RGS22: variants seen among roughly 807,000 people sequenced by gnomAD.
RGS22 encodes the protein regulator of G protein signaling 22.
In RGS22, 148 loss-of-function variants were observed where a neutral mutation model predicts 172.9. The ratio of observed to expected loss-of-function variants is 0.86; its 90% CI spans 0.75 to 0.98. The LOEUF (loss-of-function observed/expected upper bound fraction) is 0.98, where lower values mean the gene tolerates loss of function less well. Among genes scored for constraint, RGS22 ranks in the 50% least tolerant of loss-of-function variants. The probability of loss-of-function intolerance (pLI) is 0.00; values close to 1 mark genes in which losing one functional copy is unlikely to be tolerated. For missense variants in RGS22, 1,347 were observed against 1,440.8 expected, an observed-to-expected ratio of 0.93 and a Z score of 1.05; for synonymous variants, 458 against 480.2, an observed-to-expected ratio of 0.95 and a Z score of 0.60.
At chr8:100,038,796 C>A (rs930965) in intron 14 of RGS22, 135 bp downstream of exon 14, 261,082 of 448,896 alleles carry the variant, frequency 0.58, 76,406 homozygotes, top group Admixed American at 0.65. Context: ...ATTTCAAATA[C>A]AGTAATCCCA....
chr8:100,005,914 C>G (rs1815641838), intron 16 of RGS22, 103 bp downstream of exon 16: 2 of 712,350 alleles, frequency 2.8e-6, no homozygotes, highest in Admixed American at 2.7e-5. Flanking sequence ...ATGAAACTGC[C>G]TATATGATCT....
chr8:100,067,621 A>C (rs113324381), intron 6 of RGS22, among the ~76,000 whole-genome samples: 2 of 124,480 alleles, frequency 1.6e-5, no homozygotes, highest in East Asian at 4.5e-4. Context: ...CACTTTATAC[A>C]TTTTTTTTTT....
At chr8:100,001,202 T>TATATATATATATATATACA (rs1554611096) in intron 18 of RGS22, among the ~76,000 whole-genome samples, 30 of 124,772 alleles carry the variant, frequency 2.4e-4, no homozygotes, top group African/African-American at 5.5e-4. Context: ...TCCCAATTTT[T>TATATATATATATATATACA]TATATATATA....
At chr8:100,082,195 G>T (rs529105373) in intron 3 of RGS22, among the ~76,000 whole-genome samples, 1 of 152,118 alleles carries the variant, frequency 6.6e-6, no homozygotes, top group Non-Finnish European at 1.5e-5. Context: ...CATGTGATAG[G>T]TGTGTGATGG....
At position 100,051,731 on chromosome 8, in the gene RGS22, GTA is replaced by G. The variant is rs1387771007; in HGVS notation, c.1689+1069_1689+1070del. ...TATATAAATATATATTTATATATAC[GTA>G]TATATAAATATATATTTATATATTT... On this transcript the variant is annotated intron_variant, in intron 10 of 27. Transcript: ENST00000360863. Among the ~76,000 whole-genome samples the G allele has an allele frequency of 2.1e-4, 11 of 51,318 alleles. 2 individuals carry two copies. The highest frequency in any genetic ancestry group is 1.5e-3 in the African/African-American group (11 of 7,474). 33.7% of individuals were successfully genotyped at this position (51,318 alleles called of 152,430 possible).
chr8:100,004,145 T>C, intron 16 of RGS22, 47 bp from the exon 17 acceptor site: 1 of 1,497,466 alleles, frequency 6.7e-7, no homozygotes, highest in Non-Finnish European at 8.9e-7. Flanking sequence ...ACACAACAGA[T>C]TGTTTACAAT....
At chr8:100,032,520 G>A (rs943730894) in intron 14 of RGS22, among the ~76,000 whole-genome samples, 1 of 152,032 alleles carries the variant, frequency 6.6e-6, no homozygotes, top group Non-Finnish European at 1.5e-5. Flanking sequence ...CATAAAGCAA[G>A]TCCTTAGAGA....
intron 9 of RGS22, among the ~76,000 whole-genome samples, chr8:100,055,691 A>G (rs1185901230): frequency 1.3e-5 from 2 of 152,182 alleles, no homozygotes; most frequent in Admixed American, 6.5e-5. Flanking sequence ...CCTGGTAGTG[A>G]ATAAGTCTTA....
chr8:100,099,963 T>C (rs1364012214), intron 2 of RGS22, among the ~76,000 whole-genome samples: 3 of 152,210 alleles, frequency 2.0e-5, no homozygotes, highest in African/African-American at 7.2e-5. Context: ...TTATGTGTAA[T>C]TTAACATATT....
Position 100,040,060 on chromosome 8 carries a change from A to G in RGS22, c.1966T>C (p.Leu656=), listed in dbSNP as rs1391408680. ...AAATTTTCCATGTCAGATCCTCCCA[A>G]GGCACCAACATCTGACACGGTTTTA... ...RVKTVSDVGA[L]GGSDMENLLQ... Residue 656 remains leucine, a synonymous_variant, in exon 13 of 28, where the codon TTG becomes CTG. Transcript: ENST00000360863. The G allele has an allele frequency of 6.2e-7, 1 of 1,610,156 alleles. No individual in the cohort carries two copies. The highest frequency in any genetic ancestry group is 1.1e-5 in the South Asian group (1 of 90,246).
At chr8:100,031,397 T>C (rs1395545496) in intron 14 of RGS22, among the ~76,000 whole-genome samples, 1 of 152,166 alleles carries the variant, frequency 6.6e-6, no homozygotes, top group Non-Finnish European at 1.5e-5. Flanking sequence ...AATTTCTTTA[T>C]ATTAAATAGC....
chr8:100,088,006 C>G (rs1033219372), intron 3 of RGS22, among the ~76,000 whole-genome samples: 5 of 152,068 alleles, frequency 3.3e-5, no homozygotes, highest in Admixed American at 2.0e-4. Flanking sequence ...TTATCAACAC[C>G]TGTAAAAATC....
In RGS22 at chr8:100,008,521, G is replaced by A. The variant is rs1053687914; in HGVS notation, c.2215C>T (p.Leu739Phe). 6 of 1,612,416 alleles carry A rather than the reference G, an allele frequency of 3.7e-6. No homozygotes were observed. The highest frequency in any genetic ancestry group is 3.4e-5 in the Admixed American group (2 of 59,642). ...ATTTCTTTTTTCTTTTCCTGTTGGA[G>A]TCCAATGTCAAGAGTGGCAGAAGGA... Reference protein sequence around the residue: ...VAPSATLDIGLQQEKKKEIYM... With the variant: ...VAPSATLDIGFQQEKKKEIYM... Residue 739 changes from leucine (L) to phenylalanine (F), a missense_variant, in exon 15 of 28, where the codon CTC becomes TTC. Transcript: ENST00000360863.
intron 21 of RGS22, among the ~76,000 whole-genome samples, chr8:99,982,655 G>A (rs1042209453): frequency 6.6e-6 from 1 of 152,314 alleles, no homozygotes; most frequent in African/African-American, 2.4e-5. Flanking sequence ...CTACGCCAAG[G>A]TGATTTAGGC....
At chr8:99,993,837 C>A (rs1048614816) in intron 20 of RGS22, among the ~76,000 whole-genome samples, 2 of 152,274 alleles carry the variant, frequency 1.3e-5, no homozygotes, top group African/African-American at 2.4e-5. Flanking sequence ...GACCAATATC[C>A]CCGACAAACA....
chr8:100,101,775 T>C (rs1401743201), intron 2 of RGS22, among the ~76,000 whole-genome samples: 3 of 151,828 alleles, frequency 2.0e-5, no homozygotes, highest in Admixed American at 6.6e-5. Flanking sequence ...GGTTCAAATA[T>C]TATTTTGCAG....
Position 100,004,015 on chromosome 8 carries a change from T to C in RGS22, c.2538A>G (p.Ala846=). Residue 846 remains alanine (A), a synonymous_variant, in exon 17 of 28, where the codon GCA becomes GCG. Transcript: ENST00000360863. ...KRTEYWDNVP[A]EYKHFKFSDL... is the part of the protein sequence containing the mutation. ...CACTAAACTTAAAATGCTTGTATTC[T>C]GCAGGAACATTATCCCAATATTCTG... The C allele has an allele frequency of 6.2e-7, 1 of 1,612,712 alleles. No homozygotes were observed. Among genetic ancestry groups the C allele is most frequent in the Non-Finnish European group, 8.5e-7 (1 of 1,179,206 alleles).
rs766841690 is a variant in RGS22 at position 99,987,416 on chromosome 8, C to T, written c.3180+42G>A. 2.1e-6 allele frequency: 3 copies of T among 1,447,364 alleles called. No individual in the cohort carries two copies. In the South Asian group the frequency reaches 4.2e-5, roughly 20 times the overall value. 89.7% of individuals were successfully genotyped at this position (1,447,364 alleles called of 1,614,324 possible). A position where few individuals can be genotyped will look rare whatever the true frequency, so the allele number is the denominator to read the frequency against. On this transcript the variant is annotated intron_variant, in intron 21 of 27. Transcript: ENST00000360863. ...AAAATCTGACATTTTAATGCATTTC[C>T]TCCTCAAAACAGGTGGTTTTCTCTA...
chr8:100,081,735 A>T (rs1379044313), intron 3 of RGS22, among the ~76,000 whole-genome samples: 1 of 152,128 alleles, frequency 6.6e-6, no homozygotes, highest in Non-Finnish European at 1.5e-5. Flanking sequence ...CTGATATCGC[A>T]GATTAGATTT....
Sources: gnomAD v4.1 joint callset for allele counts (sites outside exome capture counted in the v4.1 genomes callset) on GRCh38, gnomAD v4.1.1 for gene constraint, MANE v1.5 for transcripts, NCBI Gene and HGNC (gene_info 2026-07-23, HGNC 2026-07-21) for gene names.